SUSD1: variants seen among roughly 807,000 people sequenced by gnomAD.
The protein encoded by SUSD1 is sushi domain containing 1, also known as sushi domain-containing protein 1.
SUSD1 carries 65 observed loss-of-function variants against 86.9 expected under a neutral mutation model. That is an observed-to-expected ratio of 0.75 (90% CI 0.61 to 0.92). The LOEUF (loss-of-function observed/expected upper bound fraction) is 0.92. SUSD1 is among the 40% of genes least tolerant of loss of function. The probability of loss-of-function intolerance (pLI) is 0.00; values close to 1 mark genes in which losing one functional copy is unlikely to be tolerated. For missense variants in SUSD1, 850 were observed against 929.7 expected, an observed-to-expected ratio of 0.91 and a Z score of 1.11; for synonymous variants, 346 against 350.0, an observed-to-expected ratio of 0.99 and a Z score of 0.13.
chr9:112,064,884 A>G (rs936568188), intron 12 of SUSD1, among the ~76,000 whole-genome samples: 3 of 151,840 alleles, frequency 2.0e-5, no homozygotes, highest in Admixed American at 6.6e-5. Flanking sequence ...TCAGAAAAAA[A>G]AAAAAAAAAA....
At chr9:112,066,076 C>T (rs888000012) in intron 12 of SUSD1, among the ~76,000 whole-genome samples, 2 of 152,314 alleles carry the variant, frequency 1.3e-5, no homozygotes, top group Non-Finnish European at 1.5e-5. Flanking sequence ...AGAAGACGGC[C>T]GGCCGAGCCA....
intron 15 of SUSD1, among the ~76,000 whole-genome samples, chr9:112,045,160 T>G (rs1005100504): frequency 6.6e-5 from 10 of 152,232 alleles, no homozygotes; most frequent in Non-Finnish European, 1.5e-4. Context: ...TTGTTTTGTT[T>G]TTAAGAGAAA....
At chr9:112,103,444 C>A (rs1239840823) in intron 8 of SUSD1, among the ~76,000 whole-genome samples, 2 of 152,180 alleles carry the variant, frequency 1.3e-5, no homozygotes, top group African/African-American at 4.8e-5. Flanking sequence ...CAAGTGTCTG[C>A]ATGTAAGAAA....
At position 112,122,765 on chromosome 9, in the gene SUSD1, C is replaced by T. The variant is rs562444453; in HGVS notation, c.886+1492G>A. 1.1e-4 allele frequency among the ~76,000 whole-genome samples: 16 copies of T among 152,246 alleles called. 1 individual carries two copies. The South Asian group carries it at 3.3e-3, about 32-fold the overall frequency. On this transcript the variant is annotated intron_variant, in intron 6 of 16. Coordinates refer to ENST00000374270, the MANE Select transcript of SUSD1 (RefSeq NM_022486.5). ...TCAACAAATGAATGGATAAACAAAA[C>T]ATGGGATACTCATATAATGGACTAT... is the stretch of plus-strand genomic sequence containing the variant.
In SUSD1 at chr9:112,057,646, A is replaced by G. The variant is rs1828510287; in HGVS notation, c.2109+782T>C. The stretch of plus-strand genomic sequence containing the variant: ...ATAGCAAGCATGTTCATGACACATT[A>G]CATTTGCATCCCACACAGAATTTAA... On this transcript the variant is annotated intron_variant, in intron 14 of 16. Transcript: ENST00000374270. 1.3e-5 allele frequency among the ~76,000 whole-genome samples: 2 copies of G among 152,256 alleles called. 1 individual carries two copies. The highest frequency in any genetic ancestry group is 4.8e-5 in the African/African-American group (2 of 41,474).
intron 6 of SUSD1, among the ~76,000 whole-genome samples, chr9:112,116,689 G>C (rs1831339321): frequency 6.6e-6 from 1 of 152,206 alleles, no homozygotes; most frequent in Non-Finnish European, 1.5e-5. Context: ...GAGATATGCA[G>C]GTAGGACAGA....
Position 112,161,820 on chromosome 9 carries a change from C to CA in SUSD1, c.104-4208dup, listed in dbSNP as rs11354546. On this transcript the variant is annotated intron_variant, in intron 1 of 16. Coordinates refer to ENST00000374270, the MANE Select transcript of SUSD1 (RefSeq NM_022486.5). ...CTGCGTGACAGAGCAAGACTCCATC[C>CA]AAAAAAAAAAAAAAAAAAATGCAAT... Among the ~76,000 whole-genome samples, 1,085 of 119,538 alleles carry CA rather than the reference C, an allele frequency of 9.1e-3. 17 individuals carry two copies. Among genetic ancestry groups the CA allele is most frequent in the African/African-American group, 0.028 (918 of 32,680 alleles). 78.4% of individuals were successfully genotyped at this position (119,538 alleles called of 152,430 possible). A position where few individuals can be genotyped will look rare whatever the true frequency, so the allele number is the denominator to read the frequency against.
chr9:112,046,112 T>C (rs1827946012), intron 15 of SUSD1, among the ~76,000 whole-genome samples: 2 of 152,252 alleles, frequency 1.3e-5, no homozygotes, highest in Admixed American at 1.3e-4. Context: ...TTCCTGGTTA[T>C]ATGTCTTTTT....
intron 15 of SUSD1, among the ~76,000 whole-genome samples, chr9:112,046,547 A>G (rs1441026884): frequency 1.3e-5 from 2 of 152,178 alleles, no homozygotes; most frequent in African/African-American, 4.8e-5. Context: ...CCTGATAGAA[A>G]TATCACATGC....
chr9:112,124,387 T>C lies in SUSD1; in HGVS notation c.756A>G (p.Gly252=), dbSNP rs778061222. The change falls in exon 6 of 17, where the codon GGA becomes GGG. Residue 252 remains glycine, a synonymous_variant. Coordinates refer to ENST00000374270, the MANE Select transcript of SUSD1 (RefSeq NM_022486.5). The part of the protein sequence containing the change: ...PPEMRHAILV[G]NHSSRLGGVA... ...CACCGCCCAGCCTGGAGCTGTGATT[T>C]CCTACCAAGATGGCGTGCCGCATTT... 97 of 1,614,062 alleles carry C rather than the reference T, an allele frequency of 6.0e-5. No homozygotes were observed. The highest frequency in any genetic ancestry group is 2.3e-4 in the Admixed American group (14 of 60,000).
At chr9:112,157,656 A>G (rs1242109339) in intron 1 of SUSD1, 43 bp from the exon 2 acceptor site, 2 of 1,508,316 alleles carry the variant, frequency 1.3e-6, no homozygotes, top group Admixed American at 3.4e-5. Flanking sequence ...AAAATGCAAG[A>G]TGAGACACAT....
chr9:112,058,365 A>T lies in SUSD1; in HGVS notation c.2109+63T>A. On this transcript the variant is annotated intron_variant, in intron 14 of 16. Transcript: ENST00000374270. Reference sequence around the variant, plus strand: ...CATATACTTGGAAAATAAATGTTCAAACATTTAAATGTCATACGAAGAAGA... The same window carrying T: ...CATATACTTGGAAAATAAATGTTCATACATTTAAATGTCATACGAAGAAGA... 2.6e-6 allele frequency: 4 copies of T among 1,554,040 alleles called. No individual in the cohort carries two copies. The South Asian group carries it at 3.7e-5, about 14-fold the overall frequency.
intron 2 of SUSD1, among the ~76,000 whole-genome samples, chr9:112,156,553 T>A (rs929953114): frequency 6.6e-6 from 1 of 151,986 alleles, no homozygotes; most frequent in African/African-American, 2.4e-5. Flanking sequence ...AGTACAGGCA[T>A]GTGCCACCAC....
At chr9:112,174,976 C>A (rs1834209721) in intron 1 of SUSD1, among the ~76,000 whole-genome samples, 157 bp downstream of exon 1, 1 of 151,550 alleles carries the variant, frequency 6.6e-6, no homozygotes. Flanking sequence ...CTCCTCCTTG[C>A]CGATCTCCAA....
chr9:112,138,680 C>T (rs2131740372), intron 5 of SUSD1, among the ~76,000 whole-genome samples: 1 of 152,232 alleles, frequency 6.6e-6, no homozygotes, highest in East Asian at 1.9e-4. Flanking sequence ...GAACTCCTGA[C>T]CTCGTGATCA....
Position 112,131,650 on chromosome 9 carries a change from A to T in SUSD1, c.707-7214T>A, listed in dbSNP as rs183167105. Among the ~76,000 whole-genome samples the T allele has an allele frequency of 1.3e-4, 20 of 152,348 alleles. No homozygotes were observed. The East Asian group carries it at 3.5e-3, about 26-fold the overall frequency. ...AAAAATATAATCCTATTTAATACAT[A>T]AAAAACCCCCAAAACTCTTACTATC... On this transcript the variant is annotated intron_variant, in intron 5 of 16. Transcript: ENST00000374270.
In SUSD1 at chr9:112,041,045, A is replaced by G; in HGVS notation, c.*447T>C. ...CAAACTCTAGCCCAAACTTAAGCCCATCTCACTGCATATTGTAAAGAATGG... is the reference window on the plus strand; with the variant it reads ...CAAACTCTAGCCCAAACTTAAGCCCGTCTCACTGCATATTGTAAAGAATGG... On this transcript the variant is annotated 3_prime_UTR_variant, in exon 17 of 17. Coordinates refer to ENST00000374270, the MANE Select transcript of SUSD1 (RefSeq NM_022486.5). 5.0e-6 allele frequency: 1 copy of G among 200,752 alleles called. No homozygotes were observed. Among genetic ancestry groups the G allele is most frequent in the Admixed American group, 5.4e-5 (1 of 18,504 alleles). 12.4% of individuals were successfully genotyped at this position (200,752 alleles called of 1,614,324 possible). A position where few individuals can be genotyped will look rare whatever the true frequency, so the allele number is the denominator to read the frequency against.
rs141449084 is a variant in SUSD1 at position 112,109,118 on chromosome 9, T to C, written c.1171+2536A>G. The stretch of plus-strand genomic sequence containing the variant: ...CAAATATACATTTTTTAGAAAAATA[T>C]AAAAATTGACTCAAGAAAATGTCAG... On this transcript the variant is annotated intron_variant, in intron 8 of 16. Transcript: ENST00000374270. Among the ~76,000 whole-genome samples, 703 of 152,212 alleles carry C rather than the reference T, an allele frequency of 4.6e-3. 9 individuals are homozygous for C. The highest frequency in any genetic ancestry group is 0.016 in the African/African-American group (667 of 41,548).
At chr9:112,086,992 T>C (rs913928580) in intron 10 of SUSD1, among the ~76,000 whole-genome samples, 1 of 149,344 alleles carries the variant, frequency 6.7e-6, no homozygotes, top group Non-Finnish European at 1.5e-5. Flanking sequence ...TATACATATA[T>C]AAAATATACA....
Sources: allele counts gnomAD v4.1 joint callset (sites outside exome capture counted in the v4.1 genomes callset), GRCh38; gene constraint gnomAD v4.1.1; transcripts MANE v1.5; gene names NCBI Gene and HGNC (gene_info 2026-07-23, HGNC 2026-07-21).